POLR3B: variants seen among roughly 807,000 people sequenced by gnomAD.
The protein encoded by POLR3B is RNA polymerase III subunit B, also known as DNA-directed RNA polymerase III subunit RPC2.
POLR3B carries 96 observed loss-of-function variants against 147.4 expected under a neutral mutation model. That is an observed-to-expected ratio of 0.65 (90% CI 0.55 to 0.77). The LOEUF (loss-of-function observed/expected upper bound fraction) is 0.77. Among genes scored for constraint, POLR3B ranks in the 30% least tolerant of loss-of-function variants. POLR3B has a pLI of 0.00. For missense variants in POLR3B, 1,036 were observed against 1,413.5 expected, an observed-to-expected ratio of 0.73 and a Z score of 4.28; for synonymous variants, 461 against 485.9, an observed-to-expected ratio of 0.95 and a Z score of 0.67.
rs2038652467 is a variant in POLR3B at position 106,504,403 on chromosome 12, G to A, written c.3272+149G>A. On this transcript the variant is annotated intron_variant, in intron 27 of 27. Coordinates refer to ENST00000228347, the MANE Select transcript of POLR3B (RefSeq NM_018082.6). This position sits in a 1 kb window ranked among gnomAD's most constrained non-coding sequence, Gnocchi z 4.6. ...CCTCATGCATGTATTCCTGTCATTGGGGATACTCTGTGTACATGTCTCATT... is the reference window on the plus strand; with the variant it reads ...CCTCATGCATGTATTCCTGTCATTGAGGATACTCTGTGTACATGTCTCATT... 1.4e-6 allele frequency: 1 copy of A among 730,652 alleles called. No individual in the cohort carries two copies. Among genetic ancestry groups the A allele is most frequent in the Non-Finnish European group, 2.5e-6 (1 of 403,998 alleles). The allele number at this position is 730,652 out of a possible 1,614,324, so 45.3% of individuals were successfully genotyped here. A position where few individuals can be genotyped will look rare whatever the true frequency, so the allele number is the denominator to read the frequency against.
chr12:106,465,903 A>T (rs988687403), intron 23 of POLR3B, among the ~76,000 whole-genome samples: 2 of 152,192 alleles, frequency 1.3e-5, no homozygotes, highest in African/African-American at 4.8e-5. Context: ...TACTATTGTG[A>T]ATAGTGCCAC....
intron 9 of POLR3B, among the ~76,000 whole-genome samples, chr12:106,392,483 G>C (rs912022085): frequency 2.0e-4 from 30 of 152,116 alleles, no homozygotes; most frequent in Admixed American, 9.8e-4. Context: ...TACTTTTTAA[G>C]TCTCCTTTGA....
At position 106,437,797 on chromosome 12, in the gene POLR3B, C is replaced by T. The variant is rs764104355; in HGVS notation, c.1955+18C>T. The T allele has an allele frequency of 3.7e-6, 5 of 1,361,810 alleles. No homozygotes were observed. Among genetic ancestry groups the T allele is most frequent in the Non-Finnish European group, 5.3e-6 (5 of 950,706 alleles). The allele number at this position is 1,361,810 out of a possible 1,614,324, so 84.4% of individuals were successfully genotyped here. On this transcript the variant is annotated intron_variant, in intron 18 of 27. Transcript: ENST00000228347. ...ATTAATAAGTAAGTAGGATCCATAG[C>T]AACCATAATTAAAACGTGTTCTGAC...
chr12:106,507,465 G>A (rs1241889876), intron 27 of POLR3B, among the ~76,000 whole-genome samples: 2 of 152,158 alleles, frequency 1.3e-5, no homozygotes, highest in Non-Finnish European at 2.9e-5. Context: ...GTCAGGAGAA[G>A]AAGCGAAAGG....
Position 106,462,082 on chromosome 12 carries a change from C to CA in POLR3B, c.2571-1395dup, listed in dbSNP as rs2037945613. Reference sequence around the variant, plus strand: ...TGACTCCTTTCCTTTACCTGCCACACACACCAATCCTGTCGTTCCTGTCAT... The same window carrying CA: ...TGACTCCTTTCCTTTACCTGCCACACAACACCAATCCTGTCGTTCCTGTCAT... On this transcript the variant is annotated intron_variant, in intron 22 of 27. Coordinates refer to ENST00000228347, the MANE Select transcript of POLR3B (RefSeq NM_018082.6). 2.0e-5 allele frequency among the ~76,000 whole-genome samples: 3 copies of CA among 152,200 alleles called. No homozygotes were observed. In the South Asian group the frequency reaches 6.2e-4, roughly 32 times the overall value.
intron 6 of POLR3B, among the ~76,000 whole-genome samples, chr12:106,375,431 G>A (rs372292371): frequency 1.1e-4 from 16 of 151,870 alleles, no homozygotes; most frequent in African/African-American, 3.1e-4. Flanking sequence ...GTGTATTTTC[G>A]CCATCTAGAA....
chr12:106,448,419 C>G (rs549660486), intron 19 of POLR3B, among the ~76,000 whole-genome samples: 2 of 125,674 alleles, frequency 1.6e-5, no homozygotes, highest in African/African-American at 5.9e-5. Flanking sequence ...TCTTTACATA[C>G]GTTATTTCTT....
chr12:106,369,164 C>G, intron 4 of POLR3B, 111 bp from the exon 5 acceptor site: 3 of 763,884 alleles, frequency 3.9e-6, no homozygotes, highest in Non-Finnish European at 4.8e-6. Flanking sequence ...TCATCCTTAC[C>G]AAGATAAGCA....
chr12:106,369,203 A>G lies in POLR3B; in HGVS notation c.228-72A>G. ...ATCAAAACATAATCTTTGTATTTGGAAGGAAAATAGCTTGTTTGCTTTTAT... is the reference window on the plus strand; with the variant it reads ...ATCAAAACATAATCTTTGTATTTGGGAGGAAAATAGCTTGTTTGCTTTTAT... On this transcript the variant is annotated intron_variant, in intron 4 of 27. Transcript: ENST00000228347. The G allele has an allele frequency of 3.6e-6, 3 of 827,246 alleles. No individual in the cohort carries two copies. The South Asian group carries it at 4.0e-5, about 11-fold the overall frequency. The allele number at this position is 827,246 out of a possible 1,614,324, so 51.2% of individuals were successfully genotyped here.
intron 23 of POLR3B, among the ~76,000 whole-genome samples, chr12:106,468,820 T>C (rs1325500031): frequency 6.6e-6 from 1 of 152,234 alleles, no homozygotes; most frequent in Non-Finnish European, 1.5e-5. Context: ...TTTGTTGTGA[T>C]TTCTGTTCTT....
chr12:106,403,402 C>T (rs1364740849), intron 10 of POLR3B, among the ~76,000 whole-genome samples: 2 of 147,398 alleles, frequency 1.4e-5, no homozygotes, highest in Admixed American at 6.8e-5. Context: ...GTCAGTGTGG[C>T]GATTCCTCAG....
intron 23 of POLR3B, among the ~76,000 whole-genome samples, chr12:106,483,889 C>G (rs1195351549): frequency 6.6e-6 from 1 of 152,174 alleles, no homozygotes; most frequent in African/African-American, 2.4e-5. Context: ...TAAAGAAAGC[C>G]CTCGGATTGA....
intron 12 of POLR3B, among the ~76,000 whole-genome samples, chr12:106,411,202 G>T (rs568042506): frequency 2.0e-5 from 3 of 152,116 alleles, no homozygotes; most frequent in South Asian, 4.2e-4. Context: ...GCAATGGCAC[G>T]ATCTCAGCTC....
At chr12:106,437,226 C>A (rs1395283823) in intron 17 of POLR3B, 95 bp downstream of exon 17, 2 of 926,552 alleles carry the variant, frequency 2.2e-6, no homozygotes, top group East Asian at 2.6e-5. Flanking sequence ...TAATTTCTTT[C>A]CACCAAATTA....
chr12:106,403,817 G>T (rs2037108527), intron 10 of POLR3B, among the ~76,000 whole-genome samples: 4 of 112,778 alleles, frequency 3.5e-5, no homozygotes, highest in African/African-American at 1.0e-4. Flanking sequence ...TTGTGGGGTG[G>T]GGGGAGGGGG....
At chr12:106,430,065 G>C (rs2137001689) in intron 13 of POLR3B, among the ~76,000 whole-genome samples, 1 of 152,302 alleles carries the variant, frequency 6.6e-6, no homozygotes, top group South Asian at 2.1e-4. Context: ...GCTAGACATA[G>C]TAATGTTCAT....
intron 12 of POLR3B, among the ~76,000 whole-genome samples, chr12:106,424,284 A>G (rs1373767544): frequency 6.6e-6 from 1 of 152,136 alleles, no homozygotes; most frequent in Non-Finnish European, 1.5e-5. Context: ...AGAACACTTC[A>G]TGGGTGGTGG....
intron 25 of POLR3B, among the ~76,000 whole-genome samples, chr12:106,499,549 T>C (rs141059264): frequency 6.6e-6 from 1 of 152,324 alleles, no homozygotes; most frequent in African/African-American, 2.4e-5. Context: ...AAAAATTGCA[T>C]ATAGCTTTAC....
chr12:106,390,574 G>A (rs1214876911), intron 9 of POLR3B, among the ~76,000 whole-genome samples: 46 of 151,372 alleles, frequency 3.0e-4, no homozygotes, highest in African/African-American at 9.0e-4. Flanking sequence ...TAATGAAATC[G>A]TGTAATTTTT....
Sources: allele counts gnomAD v4.1 joint callset (sites outside exome capture counted in the v4.1 genomes callset), GRCh38; gene constraint gnomAD v4.1.1; non-coding constraint Gnocchi (gnomAD v3.1); transcripts MANE v1.5; gene names NCBI Gene and HGNC (gene_info 2026-07-23, HGNC 2026-07-21).